The following ZNF81 variants were observed in gnomAD, a reference collection of about 807,000 sequenced individuals.
ZNF81 encodes zinc finger protein 81, also known as zinc finger protein 81 (HFZ20).
Under a neutral mutation model 32.3 loss-of-function variants are expected in ZNF81, and 5 were observed. The observed-to-expected ratio is 0.15, with a 90% confidence interval of 0.08 to 0.33. The LOEUF (loss-of-function observed/expected upper bound fraction) is 0.33. Among genes scored for constraint, ZNF81 ranks in the 10% least tolerant of loss-of-function variants. ZNF81 has a pLI of 1.00. For missense variants in ZNF81, 379 were observed against 479.8 expected, an observed-to-expected ratio of 0.79 and a Z score of 1.96; for synonymous variants, 163 against 166.8, an observed-to-expected ratio of 0.98 and a Z score of 0.17.
intron 2 of ZNF81, among the ~76,000 whole-genome samples, chrX:47,873,593 T>TG (rs1556884156): frequency 6.2e-5 from 7 of 112,061 alleles, no homozygotes; most frequent in Non-Finnish European, 1.3e-4. Context: ...CCTTTGTATA[T>TG]TGTCCAGGGT....
intron 2 of ZNF81, among the ~76,000 whole-genome samples, chrX:47,868,934 C>T (rs868966476): frequency 2.4e-3 from 12 of 5,013 alleles, no homozygotes; most frequent in African/African-American, 8.6e-3. Flanking sequence ...AACATAGTGG[C>T]GGGGGGGTGG....
At chrX:47,876,500 G>A (rs1190607764) in intron 2 of ZNF81, among the ~76,000 whole-genome samples, 1 of 111,992 alleles carries the variant, frequency 8.9e-6, no homozygotes, top group African/African-American at 3.3e-5. Flanking sequence ...GCTCAAACTT[G>A]CTTGATGCAG....
In ZNF81 at chrX:47,916,629, A is replaced by G. The variant is rs1556890981; in HGVS notation, c.1983A>G (p.Thr661=). ...SVLSMHRNIH[T] is the part of the protein sequence containing the mutation. ...TCAGTATGCATCGCAATATTCATAC[A>G]TGAAAGTAATCCTGTTTCTTGAAAA... Residue 661 remains threonine (T), a synonymous_variant, in exon 5 of 5, where the codon ACA becomes ACG. Transcript: ENST00000338637. The G allele has an allele frequency of 8.3e-7, 1 of 1,200,478 alleles. No individual in the cohort carries two copies. Among genetic ancestry groups the G allele is most frequent in the South Asian group, 1.8e-5 (1 of 54,272 alleles).
chrX:47,899,289 A>C (rs1017961599), intron 4 of ZNF81, among the ~76,000 whole-genome samples: 144 of 19,523 alleles, frequency 7.4e-3, no homozygotes, highest in Non-Finnish European at 0.036. Flanking sequence ...CTTGTTTCAT[A>C]GTTTTTTTTT....
In ZNF81 at chrX:47,894,929, C is replaced by A. The variant is rs781817094; in HGVS notation, c.182-916C>A. ...AATTTTTCCCCAGGATGAATTATAT[C>A]CTCTCTCATCCATAACTTATTTGGA... On this transcript the variant is annotated intron_variant, in intron 3 of 4. Coordinates refer to ENST00000338637, the MANE Select transcript of ZNF81 (RefSeq NM_007137.5). 2.7e-5 allele frequency among the ~76,000 whole-genome samples: 3 copies of A among 111,659 alleles called. No homozygotes were observed. In the Admixed American group the frequency reaches 2.8e-4, roughly 11 times the overall value.
intron 3 of ZNF81, among the ~76,000 whole-genome samples, chrX:47,891,524 C>T (rs1556886470): frequency 8.9e-6 from 1 of 112,221 alleles, no homozygotes; most frequent in South Asian, 3.7e-4. Context: ...TTCACTTGGC[C>T]TTTCCCACCA....
At chrX:47,892,676 C>G (rs782161212) in intron 3 of ZNF81, among the ~76,000 whole-genome samples, 3 of 112,600 alleles carry the variant, frequency 2.7e-5, no homozygotes, top group Non-Finnish European at 3.8e-5. Flanking sequence ...TCAATTCAGC[C>G]TGATCCAACT....
intron 2 of ZNF81, among the ~76,000 whole-genome samples, chrX:47,860,337 G>A (rs1255711761): frequency 1.8e-5 from 2 of 108,667 alleles, no homozygotes; most frequent in South Asian, 8.1e-4. Context: ...CACCATGCCC[G>A]GCTAATTTTT....
intron 4 of ZNF81, among the ~76,000 whole-genome samples, chrX:47,908,315 A>G (rs782635401): frequency 9.0e-6 from 1 of 111,692 alleles, no homozygotes; most frequent in Non-Finnish European, 1.9e-5. Context: ...TGTAAATTAA[A>G]ACCACAATGT....
At chrX:47,885,750 G>A (rs1320789773) in intron 2 of ZNF81, among the ~76,000 whole-genome samples, 1 of 111,738 alleles carries the variant, frequency 8.9e-6, no homozygotes, top group Non-Finnish European at 1.9e-5. Context: ...CCATTCATGA[G>A]CCCTCATGAC....
intron 1 of ZNF81, chrX:47,841,082 G>A (rs1661650314): frequency 1.2e-6 from 1 of 858,761 alleles, no homozygotes; most frequent in Non-Finnish European, 1.7e-6. Flanking sequence ...AGGTGGAAAG[G>A]GCTCAAGAAC....
intron 2 of ZNF81, among the ~76,000 whole-genome samples, chrX:47,870,005 TTTC>T (rs782567243): frequency 9.0e-6 from 1 of 111,638 alleles, no homozygotes; most frequent in East Asian, 2.8e-4. Flanking sequence ...CAACTGCATT[TTTC>T]TTTTACTTTG....
intron 2 of ZNF81, among the ~76,000 whole-genome samples, chrX:47,864,297 A>G (rs1470562957): frequency 1.8e-5 from 2 of 111,872 alleles, no homozygotes; most frequent in Admixed American, 9.5e-5. Context: ...CCATTGTCAC[A>G]TGGATTTTGC....
intron 1 of ZNF81, among the ~76,000 whole-genome samples, chrX:47,839,661 A>G (rs1224779344): frequency 8.9e-6 from 1 of 112,188 alleles, no homozygotes; most frequent in Non-Finnish European, 1.9e-5. Flanking sequence ...GAAATCTGAA[A>G]CACTTCTGTT....
At position 47,916,091 on chromosome X, in the gene ZNF81, A is replaced by T; in HGVS notation, c.1445A>T (p.Lys482Met). 8.3e-7 allele frequency: 1 copy of T among 1,211,661 alleles called. No individual in the cohort carries two copies. Among genetic ancestry groups the T allele is most frequent in the East Asian group, 3.0e-5 (1 of 33,823 alleles). The change falls in exon 5 of 5, where the codon AAG becomes ATG. Residue 482 changes from lysine (K) to methionine (M), a missense_variant. This residue lies in a region of ZNF81 where 102 missense variants were observed against 173.2 expected (regional missense o/e 0.59). Coordinates refer to ENST00000338637, the MANE Select transcript of ZNF81 (RefSeq NM_007137.5). ...GACTGTGGGAAATCTTTCCCTTCTAAGTCACAACTCCAGATGCATAAGAGA... is the reference window on the plus strand; with the variant it reads ...GACTGTGGGAAATCTTTCCCTTCTATGTCACAACTCCAGATGCATAAGAGA... Reference protein sequence around the residue: ...CSDCGKSFPSKSQLQMHKRIH... With the variant: ...CSDCGKSFPSMSQLQMHKRIH...
chrX:47,923,963 G>A lies in ZNF81; in HGVS notation c.*7331G>A, dbSNP rs1363392312. 2.7e-5 allele frequency among the ~76,000 whole-genome samples: 3 copies of A among 111,334 alleles called. No individual in the cohort carries two copies. The highest frequency in any genetic ancestry group is 5.7e-5 in the Non-Finnish European group (3 of 53,093). ...AGTAGCCCCAGGTCTACCACCAGAT[G>A]CTTGGCTGCAGGCTCACAAAAGCTT... On this transcript the variant is annotated 3_prime_UTR_variant, in exon 5 of 5. Transcript: ENST00000338637.
chrX:47,858,414 T>G (rs977128301), intron 2 of ZNF81, among the ~76,000 whole-genome samples: 1 of 112,160 alleles, frequency 8.9e-6, no homozygotes, highest in Non-Finnish European at 1.9e-5. Context: ...GTCTTATACT[T>G]TTCCAGAATT....
chrX:47,848,081 A>AT (rs2058478435), intron 2 of ZNF81, among the ~76,000 whole-genome samples: 1 of 110,072 alleles, frequency 9.1e-6, no homozygotes, highest in South Asian at 3.9e-4. Flanking sequence ...CACCAGGCTA[A>AT]TTTTTTTGTA....
At chrX:47,850,883 GCA>G (rs1200495761) in intron 2 of ZNF81, among the ~76,000 whole-genome samples, 2 of 30,779 alleles carry the variant, frequency 6.5e-5, no homozygotes, top group East Asian at 4.3e-3. Context: ...TCATTCACAG[GCA>G]CGCGCGCACA....
Sources: allele counts gnomAD v4.1 joint callset (sites outside exome capture counted in the v4.1 genomes callset), GRCh38; gene constraint gnomAD v4.1.1; regional missense constraint gnomAD v4.1.1; transcripts MANE v1.5; gene names NCBI Gene and HGNC (gene_info 2026-07-23, HGNC 2026-07-21).